ADORA2B: variants seen among roughly 807,000 people sequenced by gnomAD.
The protein encoded by ADORA2B is adenosine A2b receptor.
ADORA2B carries 18 observed loss-of-function variants against 20.8 expected under a neutral mutation model. The observed-to-expected ratio is 0.87, with a 90% CI of 0.60 to 1.29. ADORA2B has a LOEUF of 1.29. Among genes scored for constraint, ADORA2B ranks in the 50% most tolerant of loss-of-function variants. The pLI, the probability that ADORA2B is intolerant of heterozygous loss-of-function variation, is 0.00. For missense variants in ADORA2B, 441 were observed against 422.7 expected, an observed-to-expected ratio of 1.04 and a Z score of -0.38; for synonymous variants, 179 against 178.3, an observed-to-expected ratio of 1.00 and a Z score of -0.03.
At chr17:15,973,073 A>G (rs990599302) in intron 1 of ADORA2B, among the ~76,000 whole-genome samples, 3 of 152,198 alleles carry the variant, frequency 2.0e-5, no homozygotes, top group Admixed American at 2.0e-4. Flanking sequence ...ATTTCTCAGT[A>G]GACAGGGGCA....
At chr17:15,890,151 T>C in the ADORA2B span, among the ~76,000 whole-genome samples, 1 of 129,824 alleles carries the variant, frequency 7.7e-6, no homozygotes, top group Non-Finnish European at 1.6e-5. Context: ...GACTACCCAT[T>C]TCCCCATATC....
intron 1 of ADORA2B, among the ~76,000 whole-genome samples, chr17:15,946,945 G>C (rs1016152045): frequency 7.2e-5 from 11 of 152,220 alleles, no homozygotes; most frequent in African/African-American, 2.2e-4. Context: ...AATGGAGCCG[G>C]AGAATGCTCC....
Position 15,945,516 on chromosome 17 carries a change from C to CAG in ADORA2B, c.271_272dup (p.Ser91ArgfsTer49), listed in dbSNP as rs1969791152. The CAG allele has an allele frequency of 1.2e-6, 2 of 1,608,196 alleles. No individual in the cohort carries two copies. The highest frequency in any genetic ancestry group is 4.5e-5 in the East Asian group (2 of 44,578). ...CGCCTGCTTCGTGCTGGTGCTCACG[C>CAG]AGAGCTCCATCTTCAGCCTTCTGGC... On this transcript the variant is annotated frameshift_variant, in exon 1 of 2. Transcript: ENST00000304222. LOFTEE classifies it high-confidence loss of function.
the ADORA2B span, among the ~76,000 whole-genome samples, chr17:15,869,512 G>T: frequency 6.6e-6 from 1 of 152,078 alleles, no homozygotes; most frequent in African/African-American, 2.4e-5. Context: ...TAATTTGGAG[G>T]TGGAAAATCT....
At chr17:15,859,906 A>G in the ADORA2B span, among the ~76,000 whole-genome samples, 49 of 152,340 alleles carry the variant, frequency 3.2e-4, 1 homozygote, top group East Asian at 9.3e-3. Context: ...CACCCCTCAT[A>G]TTGTCTTATG....
At chr17:15,909,274 C>A in the ADORA2B span, among the ~76,000 whole-genome samples, 5 of 152,050 alleles carry the variant, frequency 3.3e-5, no homozygotes, top group South Asian at 4.2e-4. Context: ...AAAAAACACA[C>A]AAAAAAACAC....
chr17:15,964,947 C>T (rs376192055), intron 1 of ADORA2B, among the ~76,000 whole-genome samples: 2 of 152,032 alleles, frequency 1.3e-5, no homozygotes, highest in Admixed American at 6.6e-5. Context: ...GTAGTCCCAG[C>T]TACTCAGGAG....
At chr17:15,920,209 C>A in the ADORA2B span, among the ~76,000 whole-genome samples, 1 of 152,004 alleles carries the variant, frequency 6.6e-6, no homozygotes, top group East Asian at 1.9e-4. Context: ...ACACGGGAGA[C>A]ACAGAAGGGT....
chr17:15,869,491 A>T, the ADORA2B span, among the ~76,000 whole-genome samples: 2 of 152,180 alleles, frequency 1.3e-5, 1 homozygote, highest in South Asian at 4.1e-4. Context: ...CAAAGGTTAT[A>T]TTATGACCTA....
intron 1 of ADORA2B, among the ~76,000 whole-genome samples, chr17:15,968,766 G>A (rs914084138): frequency 2.0e-5 from 3 of 152,174 alleles, no homozygotes; most frequent in Non-Finnish European, 4.4e-5. Flanking sequence ...GTAAACTGAG[G>A]ATAGCAGCTC....
At chr17:15,965,134 G>A (rs191385077) in intron 1 of ADORA2B, among the ~76,000 whole-genome samples, 9 of 152,208 alleles carry the variant, frequency 5.9e-5, no homozygotes, top group African/African-American at 1.7e-4. Context: ...TCAGAAGCTC[G>A]TCATAACAAT....
chr17:15,912,340 A>C, the ADORA2B span, among the ~76,000 whole-genome samples: 1 of 151,696 alleles, frequency 6.6e-6, no homozygotes, highest in Non-Finnish European at 1.5e-5. Context: ...TGATTGCACC[A>C]CTGCACTCCC....
chr17:15,967,513 G>A (rs1298385672), intron 1 of ADORA2B, among the ~76,000 whole-genome samples: 4 of 152,104 alleles, frequency 2.6e-5, no homozygotes, highest in Non-Finnish European at 5.9e-5. Context: ...TTACAGGCGT[G>A]AGCCACCGCG....
chr17:15,957,827 T>C (rs546301365), intron 1 of ADORA2B, among the ~76,000 whole-genome samples: 3 of 152,308 alleles, frequency 2.0e-5, no homozygotes, highest in African/African-American at 7.2e-5. Context: ...GTGCCACCTG[T>C]TTTGCGCCAG....
At chr17:15,866,860 A>G in the ADORA2B span, among the ~76,000 whole-genome samples, 2 of 152,262 alleles carry the variant, frequency 1.3e-5, no homozygotes, top group African/African-American at 4.8e-5. Context: ...TACTGCTGCC[A>G]TCTCAGCTCA....
chr17:15,893,521 C>T, the ADORA2B span, among the ~76,000 whole-genome samples: 1 of 133,488 alleles, frequency 7.5e-6, no homozygotes, highest in Admixed American at 7.6e-5. Context: ...TCCCTTTCTT[C>T]CTCCCTGCTG....
At chr17:15,880,604 T>G in the ADORA2B span, among the ~76,000 whole-genome samples, 3 of 144,814 alleles carry the variant, frequency 2.1e-5, no homozygotes, top group Non-Finnish European at 3.0e-5. Flanking sequence ...GTTGGAGGAG[T>G]TGGGGTCGGA....
chr17:15,910,738 C>T, the ADORA2B span, among the ~76,000 whole-genome samples: 2 of 152,176 alleles, frequency 1.3e-5, no homozygotes, highest in Non-Finnish European at 2.9e-5. Context: ...TTGGACACCC[C>T]AGGGGCTGCA....
At chr17:15,850,395 C>T in the ADORA2B span, 1 of 152,156 alleles carries the variant, frequency 6.6e-6, no homozygotes, top group South Asian at 2.1e-4. Context: ...TCAGCTAACT[C>T]CTCCTCCCCT....
Sources: gnomAD v4.1 joint callset for allele counts (sites outside exome capture counted in the v4.1 genomes callset) on GRCh38, gnomAD v4.1.1 for gene constraint, MANE v1.5 for transcripts, NCBI Gene and HGNC (gene_info 2026-07-23, HGNC 2026-07-21) for gene names.